The following PDE3B variants were observed in gnomAD, a reference collection of about 807,000 sequenced individuals.
The protein encoded by PDE3B is cGMP-inhibited 3',5'-cyclic phosphodiesterase 3B.
A neutral mutation model predicts 116.8 loss-of-function variants in PDE3B; 66 were observed. The observed-to-expected ratio is 0.56, with a 90% CI of 0.46 to 0.69. PDE3B has a LOEUF of 0.69. Ranked by LOEUF, PDE3B falls within the 30% of genes least tolerant of loss-of-function variation. PDE3B has a pLI of 0.00. For synonymous variants in PDE3B, 595 were observed against 533.6 expected (o/e 1.12, Z -1.59); for missense variants, 1,384 against 1,368.1 (o/e 1.01, Z -0.18).
intron 1 of PDE3B, among the ~76,000 whole-genome samples, chr11:14,683,219 C>T (rs1334655954): frequency 1.3e-5 from 2 of 152,146 alleles, no homozygotes; most frequent in African/African-American, 4.8e-5. Context: ...GGATTACAGG[C>T]GTGAGCCACC....
rs778283188 is a variant in PDE3B at position 14,819,138 on chromosome 11, G to T, written c.1736G>T (p.Cys579Phe). 1.1e-5 allele frequency: 17 copies of T among 1,570,916 alleles called. No individual in the cohort carries two copies. The East Asian group carries it at 3.6e-4, about 33-fold the overall frequency. ...ATTTATCTATTTTATTCTATAAGCT[G>T]TGGACATCAAATGCTGAAATATGTT... is the stretch of plus-strand genomic sequence containing the variant. ...RNSDSNLCNS[C>F]GHQMLKYVST... is the part of the protein sequence containing the mutation. Residue 579 changes from cysteine (C) to phenylalanine (F), a missense_variant and splice_region_variant, in exon 7 of 16, where the codon TGT becomes TTT. By Grantham distance (205) the Cys-to-Phe change is radical (BLOSUM62 -2). Transcript: ENST00000282096.
intron 2 of PDE3B, among the ~76,000 whole-genome samples, chr11:14,776,859 A>G (rs1289332043): frequency 1.3e-5 from 2 of 151,880 alleles, no homozygotes; most frequent in Non-Finnish European, 2.9e-5. Context: ...AGGATAAAAT[A>G]AAAAATCACC....
chr11:14,850,355 G>A (rs1030405243), intron 12 of PDE3B, among the ~76,000 whole-genome samples: 4 of 152,036 alleles, frequency 2.6e-5, no homozygotes, highest in South Asian at 2.1e-4. Context: ...GGGGAAGGGG[G>A]GAGGGATAGC....
downstream of PDE3B, among the ~76,000 whole-genome samples, chr11:14,875,475 T>G (rs1555009589): frequency 6.6e-6 from 1 of 152,186 alleles, no homozygotes; most frequent in East Asian, 1.9e-4. Flanking sequence ...TTCTAACATT[T>G]GAGTTAGTAG....
chr11:14,862,486 G>T (rs1208057925), intron 14 of PDE3B, among the ~76,000 whole-genome samples: 1 of 152,156 alleles, frequency 6.6e-6, no homozygotes, highest in Non-Finnish European at 1.5e-5. Flanking sequence ...AACATCAACT[G>T]GGAAGAAATC....
At chr11:14,802,834 A>G (rs1043834693) in intron 4 of PDE3B, among the ~76,000 whole-genome samples, 2 of 152,254 alleles carry the variant, frequency 1.3e-5, no homozygotes, top group African/African-American at 4.8e-5. Flanking sequence ...AGTTAAGATC[A>G]TATTTGTATA....
chr11:14,746,788 A>G (rs1856921059), intron 1 of PDE3B, among the ~76,000 whole-genome samples: 1 of 152,238 alleles, frequency 6.6e-6, no homozygotes, highest in African/African-American at 2.4e-5. Context: ...TGAAAAGAAT[A>G]CGAGGATCCT....
rs192989175 is a variant in PDE3B, at chr11:14,656,189, G to T, written c.978+11136G>T. The stretch of plus-strand genomic sequence containing the variant: ...AAGTTTACTGGTGTCATTAGCTAAT[G>T]TAGGGAACATTGGAAGATGAGCTGG... On this transcript the variant is annotated intron_variant, in intron 1 of 15. Transcript: ENST00000282096. Among the ~76,000 whole-genome samples the T allele has an allele frequency of 3.3e-4, 51 of 152,288 alleles. No homozygotes were observed. The East Asian group carries it at 9.7e-3, about 29-fold the overall frequency.
At chr11:14,711,241 A>C (rs1031383958) in intron 1 of PDE3B, among the ~76,000 whole-genome samples, 1 of 152,200 alleles carries the variant, frequency 6.6e-6, no homozygotes, top group African/African-American at 2.4e-5. Flanking sequence ...ATAAAATTAC[A>C]TTTGCAGTTA....
At chr11:14,645,217 G>A (rs1185165720) in intron 1 of PDE3B, among the ~76,000 whole-genome samples, 164 bp downstream of exon 1, 2 of 150,096 alleles carry the variant, frequency 1.3e-5, no homozygotes, top group African/African-American at 2.5e-5. Context: ...TTCTGGAAAG[G>A]ATTCTTAAAA....
At chr11:14,657,502 T>G (rs1406176703) in intron 1 of PDE3B, among the ~76,000 whole-genome samples, 16 of 152,202 alleles carry the variant, frequency 1.1e-4, no homozygotes. Context: ...TGGATAGGAA[T>G]TTTTACCAAT....
chr11:14,654,887 T>C (rs950307677), intron 1 of PDE3B, among the ~76,000 whole-genome samples: 10 of 146,882 alleles, frequency 6.8e-5, no homozygotes, highest in South Asian at 2.2e-4. Context: ...TCCAAACAAA[T>C]AGAGGTGACA....
At position 14,831,679 on chromosome 11, in the gene PDE3B, G is replaced by T. The variant is rs1465139308; in HGVS notation, c.1996G>T (p.Glu666Ter). The T allele has an allele frequency of 1.9e-6, 3 of 1,597,450 alleles. No individual in the cohort carries two copies. The highest frequency in any genetic ancestry group is 2.6e-6 in the Non-Finnish European group (3 of 1,168,282). ...ATCACTGGACCTGATTTTAGTAGAAGAGTATGACTCATTAATAGAAAAGAT... is the reference window on the plus strand; with the variant it reads ...ATCACTGGACCTGATTTTAGTAGAATAGTATGACTCATTAATAGAAAAGAT... ...EVSLDLILVE[E>*]YDSLIEKMSN... The change falls in exon 9 of 16, where the codon GAG (glutamate) becomes TAG (stop). Residue 666 changes from glutamate to a stop codon, truncating the protein, a stop_gained. Transcript: ENST00000282096. LOFTEE classifies it high-confidence loss of function.
chr11:14,668,032 T>TAA (rs200897741), intron 1 of PDE3B, among the ~76,000 whole-genome samples: 1 of 131,102 alleles, frequency 7.6e-6, no homozygotes. Context: ...AATGCAAGAG[T>TAA]AAAAAAAAAA....
chr11:14,693,731 A>G lies in PDE3B; in HGVS notation c.978+48678A>G, dbSNP rs183218103. On this transcript the variant is annotated intron_variant, in intron 1 of 15. Transcript: ENST00000282096. The stretch of plus-strand genomic sequence containing the variant: ...TCGTCGTCCAAGAGCTCTGATGGAG[A>G]TGTACAAGGAGATAAATGTTGTTTT... 2.2e-4 allele frequency among the ~76,000 whole-genome samples: 33 copies of G among 152,302 alleles called. No homozygotes were observed. The East Asian group carries it at 6.4e-3, about 29-fold the overall frequency.
chr11:14,729,408 G>A (rs910840555), intron 1 of PDE3B, among the ~76,000 whole-genome samples: 6 of 152,146 alleles, frequency 3.9e-5, no homozygotes, highest in Non-Finnish European at 7.3e-5. Flanking sequence ...TTCTGTCCTG[G>A]GTGGAACTAG....
chr11:14,840,566 G>A (rs1181989104), intron 11 of PDE3B, among the ~76,000 whole-genome samples: 1 of 152,142 alleles, frequency 6.6e-6, no homozygotes, highest in African/African-American at 2.4e-5. Flanking sequence ...ACGGCTTTGT[G>A]GGGAATTCCC....
At chr11:14,839,547 CTCT>C (rs1214533898) in intron 11 of PDE3B, among the ~76,000 whole-genome samples, 1 of 152,196 alleles carries the variant, frequency 6.6e-6, no homozygotes, top group East Asian at 1.9e-4. Context: ...CAGATGTGGT[CTCT>C]TCTTTTAATA....
chr11:14,866,413 T>A (rs1311012399), intron 14 of PDE3B, among the ~76,000 whole-genome samples: 6 of 152,186 alleles, frequency 3.9e-5, no homozygotes, highest in Non-Finnish European at 7.3e-5. Flanking sequence ...ACTTTTTTTT[T>A]ATTATACTAA....
Sources: gnomAD v4.1 joint callset for allele counts (sites outside exome capture counted in the v4.1 genomes callset) on GRCh38, gnomAD v4.1.1 for gene constraint, MANE v1.5 for transcripts, NCBI Gene and HGNC (gene_info 2026-07-23, HGNC 2026-07-21) for gene names.